Variants in PPARGC1A observed in about 807,000 individuals in gnomAD.
PPARGC1A encodes the protein peroxisome proliferator-activated receptor gamma coactivator 1-alpha.
Under a neutral mutation model 88.7 loss-of-function variants are expected in PPARGC1A, and 25 were observed. That is an observed-to-expected ratio of 0.28 (90% CI 0.21 to 0.39). The LOEUF (loss-of-function observed/expected upper bound fraction) is 0.39, where lower values mean the gene tolerates loss of function less well. PPARGC1A is among the 10% of genes least tolerant of loss of function. The probability of loss-of-function intolerance (pLI) is 1.00; values close to 1 mark genes in which losing one functional copy is unlikely to be tolerated. For synonymous variants in PPARGC1A, 363 were observed against 355.6 expected, an observed-to-expected ratio of 1.02 and a Z score of -0.24; for missense variants, 880 against 968.7, an observed-to-expected ratio of 0.91 and a Z score of 1.22.
chr4:24,155,051 G>A, the PPARGC1A span, among the ~76,000 whole-genome samples: 147 of 151,994 alleles, frequency 9.7e-4, no homozygotes, highest in Non-Finnish European at 1.8e-3. Flanking sequence ...GGAAGAGCTA[G>A]GTTCCAATCT....
At chr4:23,935,141 C>T in the PPARGC1A span, among the ~76,000 whole-genome samples, 4 of 152,110 alleles carry the variant, frequency 2.6e-5, no homozygotes, top group African/African-American at 7.2e-5. Context: ...TGCCACCTCC[C>T]GAAAGAGCTG....
intron 10 of PPARGC1A, among the ~76,000 whole-genome samples, chr4:23,804,366 A>T (rs899851616): frequency 1.3e-5 from 2 of 151,918 alleles, no homozygotes; most frequent in Admixed American, 6.6e-5. Context: ...TATCCCCTAA[A>T]TCTCTCTGTA....
chr4:24,025,108 T>A, the PPARGC1A span, among the ~76,000 whole-genome samples: 1 of 152,192 alleles, frequency 6.6e-6, no homozygotes, highest in African/African-American at 2.4e-5. Context: ...GAATTTCCTT[T>A]CCTAATGGTG....
the PPARGC1A span, among the ~76,000 whole-genome samples, chr4:24,432,904 G>T: frequency 1.3e-5 from 2 of 152,216 alleles, no homozygotes; most frequent in African/African-American, 4.8e-5. Flanking sequence ...AGACACACCA[G>T]CCTCTACCAG....
the PPARGC1A span, among the ~76,000 whole-genome samples, chr4:24,137,558 G>A: frequency 6.6e-6 from 1 of 152,250 alleles, no homozygotes; most frequent in Admixed American, 6.5e-5. Context: ...AAGATGAATT[G>A]CCTAAACAGG....
At chr4:24,209,132 G>A in the PPARGC1A span, among the ~76,000 whole-genome samples, 1 of 152,196 alleles carries the variant, frequency 6.6e-6, no homozygotes, top group East Asian at 1.9e-4. Context: ...GGGGACAGGA[G>A]CCATTCAAAG....
the PPARGC1A span, among the ~76,000 whole-genome samples, chr4:24,453,406 C>T: frequency 2.0e-5 from 3 of 152,202 alleles, no homozygotes; most frequent in African/African-American, 7.2e-5. Flanking sequence ...ATCAACCTGA[C>T]CTAATGACTG....
the PPARGC1A span, among the ~76,000 whole-genome samples, chr4:24,364,102 C>G: frequency 6.6e-6 from 1 of 152,160 alleles, no homozygotes; most frequent in Admixed American, 6.5e-5. Context: ...ACAACTGCCA[C>G]AACTGCAAAA....
chr4:23,940,707 G>A, the PPARGC1A span, among the ~76,000 whole-genome samples: 4 of 152,216 alleles, frequency 2.6e-5, no homozygotes, highest in South Asian at 8.3e-4. Context: ...AATGTTTGTA[G>A]TTAGTTAGCT....
intron 7 of PPARGC1A, among the ~76,000 whole-genome samples, chr4:23,823,250 C>T (rs528150034): frequency 6.6e-6 from 1 of 151,894 alleles, no homozygotes; most frequent in Non-Finnish European, 1.5e-5. Context: ...ACCAATGTCT[C>T]TAATCTTTTC....
the PPARGC1A span, among the ~76,000 whole-genome samples, chr4:24,113,443 G>T: frequency 6.6e-6 from 1 of 152,158 alleles, no homozygotes; most frequent in African/African-American, 2.4e-5. Context: ...GCTAACAAGG[G>T]AGACAACCAA....
At chr4:24,083,273 G>A in the PPARGC1A span, among the ~76,000 whole-genome samples, 1 of 152,116 alleles carries the variant, frequency 6.6e-6, no homozygotes, top group Non-Finnish European at 1.5e-5. Context: ...CCCTAACTGA[G>A]CTATAGCTTT....
the PPARGC1A span, among the ~76,000 whole-genome samples, chr4:24,455,787 T>C: frequency 3.9e-5 from 6 of 152,328 alleles, no homozygotes; most frequent in Admixed American, 1.3e-4. Flanking sequence ...CCTTCTGCCA[T>C]GAAATGATGC....
At chr4:24,401,015 CTT>C in the PPARGC1A span, among the ~76,000 whole-genome samples, 5 of 99,826 alleles carry the variant, frequency 5.0e-5, no homozygotes, top group African/African-American at 7.8e-5. Context: ...CCTGAATTTT[CTT>C]TTTTTTTTTT....
At chr4:23,909,593 A>T in the PPARGC1A span, among the ~76,000 whole-genome samples, 1 of 151,888 alleles carries the variant, frequency 6.6e-6, no homozygotes, top group African/African-American at 2.4e-5. Context: ...ACCCCAGGAA[A>T]GTGACAGGCA....
At chr4:24,457,103 G>T in the PPARGC1A span, among the ~76,000 whole-genome samples, 1 of 152,134 alleles carries the variant, frequency 6.6e-6, no homozygotes, top group African/African-American at 2.4e-5. Context: ...GGGAGGTATG[G>T]GATCATACAG....
the PPARGC1A span, among the ~76,000 whole-genome samples, chr4:24,233,438 C>T: frequency 6.6e-6 from 1 of 152,106 alleles, no homozygotes; most frequent in Non-Finnish European, 1.5e-5. Context: ...AACTAAGACA[C>T]CGTCCCATTG....
the PPARGC1A span, among the ~76,000 whole-genome samples, chr4:24,066,292 A>G: frequency 6.6e-6 from 1 of 152,154 alleles, no homozygotes; most frequent in Non-Finnish European, 1.5e-5. Flanking sequence ...CAAGTAAAAT[A>G]GTCATTTGTT....
chr4:24,319,691 T>C, the PPARGC1A span, among the ~76,000 whole-genome samples: 4 of 152,246 alleles, frequency 2.6e-5, no homozygotes, highest in Non-Finnish European at 5.9e-5. Flanking sequence ...TATATGTTCA[T>C]ACAACTAACG....
Sources: gnomAD v4.1 joint callset for allele counts (sites outside exome capture counted in the v4.1 genomes callset) on GRCh38, gnomAD v4.1.1 for gene constraint, MANE v1.5 for transcripts, NCBI Gene and HGNC (gene_info 2026-07-23, HGNC 2026-07-21) for gene names.